The following VDAC2 variants were observed in gnomAD, a reference collection of about 807,000 sequenced individuals.
The protein encoded by VDAC2 is non-selective voltage-gated ion channel VDAC2.
Under a neutral mutation model 36.6 loss-of-function variants are expected in VDAC2, and 6 were observed. The ratio of observed to expected loss-of-function variants is 0.16; its 90% CI spans 0.09 to 0.32. The LOEUF is 0.32. VDAC2 is among the 10% of genes least tolerant of loss of function. The pLI is 1.00. For missense variants in VDAC2, 247 were observed against 346.0 expected (o/e 0.71, Z 2.27); for synonymous variants, 109 against 123.8 (o/e 0.88, Z 0.79).
intron 4 of VDAC2, among the ~76,000 whole-genome samples, chr10:75,217,563 A>G (rs957808879): frequency 6.6e-5 from 10 of 152,150 alleles, no homozygotes; most frequent in Non-Finnish European, 1.5e-4. Context: ...TGTTTAGTAG[A>G]GACGGGGTTT....
chr10:75,226,451 G>GTTTTTTTTTTTTTTT (rs147954706), intron 8 of VDAC2, among the ~76,000 whole-genome samples: 2 of 100,894 alleles, frequency 2.0e-5, no homozygotes, highest in Non-Finnish European at 1.9e-5. Context: ...TCTTTTGTGG[G>GTTTTTTTTTTTTTTT]TTTTTTTTTT....
chr10:75,222,117 GC>G, intron 7 of VDAC2, 134 bp from the exon 8 acceptor site: 3 of 928,882 alleles, frequency 3.2e-6, no homozygotes, highest in Non-Finnish European at 4.7e-6. Flanking sequence ...GTTAAAACTT[GC>G]AAGTTTTCAG....
intron 7 of VDAC2, 94 bp from the exon 8 acceptor site, chr10:75,222,158 G>A: frequency 7.3e-7 from 1 of 1,365,016 alleles, no homozygotes; most frequent in South Asian, 1.5e-5. Context: ...TTGAGCTGTG[G>A]TTTTTTATTT....
chr10:75,227,645 G>A (rs1029238723), intron 8 of VDAC2, among the ~76,000 whole-genome samples: 7 of 142,040 alleles, frequency 4.9e-5, no homozygotes, highest in Non-Finnish European at 8.9e-5. Flanking sequence ...GCAGTGGTGC[G>A]ATCTCTGCTC....
intron 8 of VDAC2, 87 bp from the exon 9 acceptor site, chr10:75,229,557 C>T: frequency 1.9e-6 from 2 of 1,080,672 alleles, no homozygotes; most frequent in Admixed American, 2.4e-5. Flanking sequence ...AAACTGAACA[C>T]TTCATGATTA....
rs567894799 is a variant in VDAC2, at chr10:75,210,952, C to A, written c.-26+14C>A. 46 of 461,894 alleles carry A rather than the reference C, an allele frequency of 1.0e-4. 1 individual carries two copies. In the South Asian group the frequency reaches 2.0e-3, roughly 20 times the overall value. The allele number at this position is 461,894 out of a possible 1,614,324, so 28.6% of individuals were successfully genotyped here. A position where few individuals can be genotyped will look rare whatever the true frequency, so the allele number is the denominator to read the frequency against. ...GGACACCACCAGGTACCGCCGCGCC[C>A]GCCTCACGCCGACCCAGGGGCCTAG... On this transcript the variant is annotated intron_variant, in intron 1 of 9. Coordinates refer to ENST00000332211, the MANE Select transcript of VDAC2 (RefSeq NM_001391963.1).
chr10:75,227,950 A>G (rs1842007360), intron 8 of VDAC2, among the ~76,000 whole-genome samples: 1 of 144,716 alleles, frequency 6.9e-6, no homozygotes, highest in Admixed American at 7.0e-5. Context: ...GCTGGAGTGC[A>G]GTGGCAAGAT....
intron 9 of VDAC2, among the ~76,000 whole-genome samples, chr10:75,230,016 C>G (rs1478241330): frequency 6.6e-6 from 1 of 152,056 alleles, no homozygotes; most frequent in Non-Finnish European, 1.5e-5. Flanking sequence ...AGTTTCCTCG[C>G]TTGTATCTGA....
intron 4 of VDAC2, among the ~76,000 whole-genome samples, chr10:75,215,453 G>C (rs933461017): frequency 6.6e-6 from 1 of 150,722 alleles, no homozygotes; most frequent in Non-Finnish European, 1.5e-5. Flanking sequence ...CCAGGTTCAT[G>C]CCTTTCTCCT....
intron 4 of VDAC2, chr10:75,218,107 C>A: frequency 2.7e-6 from 1 of 369,344 alleles, no homozygotes; most frequent in Non-Finnish European, 5.2e-6. Flanking sequence ...AAAAAAAATT[C>A]AGATAAGCCC....
At chr10:75,216,740 T>C (rs1841618243) in intron 4 of VDAC2, among the ~76,000 whole-genome samples, 1 of 152,168 alleles carries the variant, frequency 6.6e-6, no homozygotes, top group Admixed American at 6.5e-5. Flanking sequence ...TGAATGGCCG[T>C]AGGTGGGGCC....
intron 2 of VDAC2, chr10:75,211,566 A>G (rs1841422524): frequency 1.3e-6 from 2 of 1,550,614 alleles, no homozygotes. Flanking sequence ...AAGGGCGTGG[A>G]CGTGCTTTGT....
intron 6 of VDAC2, 92 bp from the exon 7 acceptor site, chr10:75,220,651 C>A: frequency 1.9e-6 from 2 of 1,063,764 alleles, no homozygotes; most frequent in South Asian, 1.6e-5. Context: ...ACTCCCTGGT[C>A]ATACTGCAGT....
chr10:75,229,844 A>T, intron 9 of VDAC2, 143 bp downstream of exon 9: 1 of 532,580 alleles, frequency 1.9e-6, no homozygotes, highest in East Asian at 3.5e-5. Flanking sequence ...TTTTACCACA[A>T]TTTTTTATTT....
chr10:75,229,736 A>G, intron 9 of VDAC2, 35 bp downstream of exon 9: 1 of 1,527,036 alleles, frequency 6.5e-7, no homozygotes, highest in Non-Finnish European at 8.8e-7. Flanking sequence ...TTGTTTTGAT[A>G]GTATTAAAAA....
intron 8 of VDAC2, among the ~76,000 whole-genome samples, chr10:75,228,580 G>T (rs1274589641): frequency 6.6e-6 from 1 of 152,226 alleles, no homozygotes; most frequent in Admixed American, 6.5e-5. Context: ...ATGGTCATTG[G>T]TAGCTCATGA....
chr10:75,211,807 A>G (rs1841432537), intron 2 of VDAC2: 2 of 1,038,124 alleles, frequency 1.9e-6, no homozygotes, highest in Non-Finnish European at 2.8e-6. Context: ...CTCAGCGAAG[A>G]TATTAAAGGA....
intron 2 of VDAC2, chr10:75,211,444 A>G: frequency 6.7e-7 from 1 of 1,487,246 alleles, no homozygotes; most frequent in East Asian, 2.5e-5. Context: ...TGACGTATAG[A>G]AGTAAAAAGT....
chr10:75,210,670 C>G (rs371873541), upstream of VDAC2: 1 of 153,584 alleles, frequency 6.5e-6, no homozygotes, highest in East Asian at 1.9e-4. Context: ...AGGCAGCCCA[C>G]CTGCAGGACC....
Sources: allele counts gnomAD v4.1 joint callset (sites outside exome capture counted in the v4.1 genomes callset), GRCh38; gene constraint gnomAD v4.1.1; transcripts MANE v1.5; gene names NCBI Gene and HGNC (gene_info 2026-07-23, HGNC 2026-07-21).